Variants in ENAH observed in about 807,000 individuals in gnomAD.
ENAH encodes the protein protein enabled homolog.
ENAH carries 23 observed loss-of-function variants against 78.7 expected under a neutral mutation model. That is an observed-to-expected ratio of 0.29 (90% confidence interval 0.21 to 0.41). ENAH has a LOEUF of 0.41. Ranked by LOEUF, ENAH falls within the 10% of genes least tolerant of loss-of-function variation. The probability of loss-of-function intolerance (pLI) is 1.00; values close to 1 mark genes in which losing one functional copy is unlikely to be tolerated. For synonymous variants in ENAH, 226 were observed against 241.0 expected, an observed-to-expected ratio of 0.94 and a Z score of 0.58; for missense variants, 544 against 691.0, an observed-to-expected ratio of 0.79 and a Z score of 2.39.
chr1:225,585,275 A>C (rs1459402121), intron 1 of ENAH, among the ~76,000 whole-genome samples: 1 of 150,034 alleles, frequency 6.7e-6, no homozygotes, highest in Non-Finnish European at 1.5e-5. Flanking sequence ...ACATTTTCAC[A>C]GTATTAGTTG....
intron 12 of ENAH, among the ~76,000 whole-genome samples, chr1:225,498,992 C>T (rs1369229373): frequency 6.6e-6 from 1 of 152,142 alleles, no homozygotes; most frequent in African/African-American, 2.4e-5. Context: ...GAATCATATG[C>T]AGCTGCTGAG....
At chr1:225,571,557 C>T (rs982071305) in intron 1 of ENAH, among the ~76,000 whole-genome samples, 5 of 152,020 alleles carry the variant, frequency 3.3e-5, no homozygotes, top group Admixed American at 1.3e-4. Context: ...TGAGATGATT[C>T]TTGGCTGAAG....
At chr1:225,537,669 A>T (rs1193492319) in intron 3 of ENAH, among the ~76,000 whole-genome samples, 6 of 152,102 alleles carry the variant, frequency 3.9e-5, no homozygotes, top group Admixed American at 3.3e-4. Flanking sequence ...ATGTTACATA[A>T]ACCTTACGTT....
chr1:225,582,454 A>C (rs949307848), intron 1 of ENAH, among the ~76,000 whole-genome samples: 1 of 150,226 alleles, frequency 6.7e-6, no homozygotes, highest in Non-Finnish European at 1.5e-5. Context: ...TCTGATGTTT[A>C]CAGCTTTTAG....
In ENAH at chr1:225,492,641, T is replaced by G. The variant is rs1193480185; in HGVS notation, c.*5134A>C. On this transcript the variant is annotated 3_prime_UTR_variant, in exon 14 of 14. Transcript: ENST00000366843. ...GGCTTCATCTTTGATTTTTTCTGCA[T>G]GTTAATCTGCAAATACTCAAGGCCT... 1 of 152,210 alleles carries G rather than the reference T, an allele frequency of 6.6e-6. No homozygotes were observed. Among genetic ancestry groups the G allele is most frequent in the Non-Finnish European group, 1.5e-5 (1 of 68,040 alleles). The allele number at this position is 152,210 out of a possible 1,614,324, so 9.4% of individuals were successfully genotyped here.
intron 1 of ENAH, among the ~76,000 whole-genome samples, chr1:225,623,357 C>A (rs545442027): frequency 9.9e-5 from 15 of 152,190 alleles, no homozygotes; most frequent in African/African-American, 3.6e-4. Context: ...CCAGTACTAA[C>A]CTGGTGACTG....
intron 1 of ENAH, among the ~76,000 whole-genome samples, chr1:225,574,931 T>A (rs79810986): frequency 0.33 from 4,009 of 12,124 alleles, 489 homozygotes; most frequent in Middle Eastern, 1. Context: ...TATATATATA[T>A]AAAAAAAAAA....
chr1:225,559,322 CACTT>C (rs2096687064), intron 2 of ENAH, among the ~76,000 whole-genome samples: 1 of 152,126 alleles, frequency 6.6e-6, no homozygotes, highest in African/African-American at 2.4e-5. Flanking sequence ...AATTTGTTGA[CACTT>C]TCTTTAGGGC....
At chr1:225,548,231 GC>G (rs2096624671) in intron 3 of ENAH, among the ~76,000 whole-genome samples, 1 of 139,064 alleles carries the variant, frequency 7.2e-6, no homozygotes, top group African/African-American at 2.7e-5. Context: ...TTGGACATTA[GC>G]ATTCAAAATA....
rs2150984673 is a variant in ENAH, at chr1:225,488,770, T to G, written c.*9005A>C. 6.6e-6 allele frequency: 1 copy of G among 152,346 alleles called. No homozygotes were observed. 9.4% of individuals were successfully genotyped at this position (152,346 alleles called of 1,614,324 possible). A position where few individuals can be genotyped will look rare whatever the true frequency, so the allele number is the denominator to read the frequency against. ...GAATGTCAGCAAAACAGGACCCATC[T>G]TTTATCATCCCAAACTGCTATTTCC... On this transcript the variant is annotated 3_prime_UTR_variant, in exon 14 of 14. Coordinates refer to ENST00000366843, the MANE Select transcript of ENAH (RefSeq NM_018212.6).
intron 4 of ENAH, among the ~76,000 whole-genome samples, chr1:225,526,143 T>C (rs988814311): frequency 5.9e-5 from 9 of 152,244 alleles, no homozygotes; most frequent in African/African-American, 2.2e-4. Context: ...TATTTGCAAA[T>C]TCAATTTCTT....
chr1:225,547,052 T>TTTGTTG (rs916252333), intron 3 of ENAH, among the ~76,000 whole-genome samples: 2 of 151,786 alleles, frequency 1.3e-5, no homozygotes, highest in Admixed American at 6.5e-5. Flanking sequence ...ACATCTATTA[T>TTTGTTG]TTGTTGTTGT....
intron 4 of ENAH, among the ~76,000 whole-genome samples, chr1:225,527,713 T>C (rs1558761023): frequency 1.3e-5 from 2 of 152,188 alleles, no homozygotes; most frequent in East Asian, 1.9e-4. Context: ...GGAGGAAGCG[T>C]ACTCACATTG....
intron 2 of ENAH, among the ~76,000 whole-genome samples, chr1:225,562,123 A>G (rs544151568): frequency 6.6e-6 from 1 of 152,024 alleles, no homozygotes; most frequent in South Asian, 2.1e-4. Context: ...GGGTTTCACC[A>G]TGGTAGTCAG....
chr1:225,540,513 A>C (rs2096583993), intron 3 of ENAH, among the ~76,000 whole-genome samples: 2 of 152,132 alleles, frequency 1.3e-5, no homozygotes, highest in Admixed American at 1.3e-4. Flanking sequence ...AGGGGTGGGG[A>C]AAAAATGAAG....
chr1:225,528,363 AAC>A (rs1279050805), intron 4 of ENAH, among the ~76,000 whole-genome samples: 2 of 152,186 alleles, frequency 1.3e-5, no homozygotes, highest in East Asian at 3.9e-4. Flanking sequence ...GCTACACACA[AAC>A]ACAGAGCGAA....
chr1:225,544,356 A>C (rs1335791093), intron 3 of ENAH, among the ~76,000 whole-genome samples: 1 of 152,240 alleles, frequency 6.6e-6, no homozygotes, highest in Non-Finnish European at 1.5e-5. Flanking sequence ...TTGTAGCACC[A>C]CTGAATAAAG....
chr1:225,606,842 C>CAAAAAAA (rs59168194), intron 1 of ENAH, among the ~76,000 whole-genome samples: 5 of 49,048 alleles, frequency 1.0e-4, no homozygotes, highest in Non-Finnish European at 1.6e-4. Context: ...GACTCTGTCT[C>CAAAAAAA]AAAAAAAAAA....
In ENAH at chr1:225,517,126, G is replaced by C. The variant is rs1284975731; in HGVS notation, c.913+70C>G. On this transcript the variant is annotated intron_variant, in intron 6 of 13. Transcript: ENST00000366843. ...CAAAACCATCCTACCCATCCATTCAGGCAATTAAAGTCACTGCTATATAAC... is the reference window on the plus strand; with the variant it reads ...CAAAACCATCCTACCCATCCATTCACGCAATTAAAGTCACTGCTATATAAC... 4 of 1,301,806 alleles carry C rather than the reference G, an allele frequency of 3.1e-6. No individual in the cohort carries two copies. The East Asian group carries it at 1.0e-4, about 33-fold the overall frequency. 80.6% of individuals were successfully genotyped at this position (1,301,806 alleles called of 1,614,324 possible). A position where few individuals can be genotyped will look rare whatever the true frequency, so the allele number is the denominator to read the frequency against.
Sources: gnomAD v4.1 joint callset for allele counts (sites outside exome capture counted in the v4.1 genomes callset) on GRCh38, gnomAD v4.1.1 for gene constraint, MANE v1.5 for transcripts, NCBI Gene and HGNC (gene_info 2026-07-23, HGNC 2026-07-21) for gene names.